The following PAM variants were observed in gnomAD, a reference collection of about 807,000 sequenced individuals.
PAM encodes the protein peptidyl-glycine alpha-amidating monooxygenase.
PAM carries 72 observed loss-of-function variants against 122.1 expected under a neutral mutation model. The ratio of observed to expected loss-of-function variants is 0.59; its 90% confidence interval spans 0.49 to 0.72. The LOEUF (loss-of-function observed/expected upper bound fraction) is 0.72. Ranked by LOEUF, PAM falls within the 30% of genes least tolerant of loss-of-function variation. PAM has a pLI of 0.00. For missense variants in PAM, 1,106 were observed against 1,183.7 expected (o/e 0.93, Z 0.96); for synonymous variants, 389 against 404.4 (o/e 0.96, Z 0.46).
At chr5:103,025,561 A>G (rs1446544624) in intron 24 of PAM, among the ~76,000 whole-genome samples, 1 of 152,220 alleles carries the variant, frequency 6.6e-6, no homozygotes, top group African/African-American at 2.4e-5. Flanking sequence ...TTAGATTAAA[A>G]TATAACCTTT....
intron 1 of PAM, among the ~76,000 whole-genome samples, chr5:102,850,285 GAGT>G (rs1300220590): frequency 6.6e-6 from 1 of 152,146 alleles, no homozygotes; most frequent in Non-Finnish European, 1.5e-5. Context: ...ATAGTGCATT[GAGT>G]AGAAGTAAGC....
At chr5:102,954,727 CAG>C (rs1449834243) in intron 12 of PAM, among the ~76,000 whole-genome samples, 4 of 152,086 alleles carry the variant, frequency 2.6e-5, no homozygotes, top group Admixed American at 6.6e-5. Flanking sequence ...TAAATAAAAA[CAG>C]AATTTAATTA....
intron 22 of PAM, 90 bp downstream of exon 22, chr5:103,017,523 T>C: frequency 1.3e-6 from 1 of 799,160 alleles, no homozygotes; most frequent in Non-Finnish European, 2.2e-6. Context: ...TTTCCTTATC[T>C]TTTTACTGAT....
At chr5:102,801,433 C>T (rs758394977) in intron 1 of PAM, among the ~76,000 whole-genome samples, 1 of 152,182 alleles carries the variant, frequency 6.6e-6, no homozygotes, top group Non-Finnish European at 1.5e-5. Context: ...CTATTGACAT[C>T]ATTTGGGAAC....
At chr5:102,842,243 A>ATATATAT (rs1778849067) in intron 1 of PAM, among the ~76,000 whole-genome samples, 1 of 148,838 alleles carries the variant, frequency 6.7e-6, no homozygotes, top group African/African-American at 2.6e-5. Context: ...CATATGTGTA[A>ATATATAT]ATGCATAGAA....
chr5:102,770,598 T>C (rs974299041), intron 1 of PAM, among the ~76,000 whole-genome samples: 1 of 152,150 alleles, frequency 6.6e-6, no homozygotes, highest in African/African-American at 2.4e-5. Context: ...TATCATATGC[T>C]TTTCCAGCAT....
intron 1 of PAM, among the ~76,000 whole-genome samples, chr5:102,781,116 G>C (rs2432164): frequency 0.42 from 63,939 of 151,740 alleles, 14,119 homozygotes; most frequent in African/African-American, 0.55. Context: ...ATACAGTATT[G>C]ATTAATATGC....
intron 15 of PAM, among the ~76,000 whole-genome samples, chr5:102,984,398 T>C (rs1437224876): frequency 6.6e-6 from 1 of 152,132 alleles, no homozygotes; most frequent in African/African-American, 2.4e-5. Flanking sequence ...TAAAATATAT[T>C]TCATGCAAAT....
intron 15 of PAM, among the ~76,000 whole-genome samples, chr5:102,986,486 A>C (rs562857444): frequency 6.6e-6 from 1 of 152,300 alleles, no homozygotes; most frequent in Non-Finnish European, 1.5e-5. Context: ...TCCTATTTAC[A>C]ATAGCTTAAA....
chr5:103,007,757 A>C, intron 20 of PAM, 100 bp downstream of exon 20: 1 of 731,516 alleles, frequency 1.4e-6, no homozygotes, highest in Non-Finnish European at 2.2e-6. Context: ...TTTCTTTGCT[A>C]TATATTTCAC....
At chr5:103,015,663 C>G (rs185339436) in intron 21 of PAM, among the ~76,000 whole-genome samples, 112 of 152,176 alleles carry the variant, frequency 7.4e-4, no homozygotes, top group African/African-American at 2.6e-3. Context: ...AGACAGAGTC[C>G]CATCTACCAC....
At chr5:102,806,275 C>A (rs1161274424) in intron 1 of PAM, among the ~76,000 whole-genome samples, 1 of 152,150 alleles carries the variant, frequency 6.6e-6, no homozygotes, top group African/African-American at 2.4e-5. Context: ...AGGACCTAGA[C>A]CACTGAAGCT....
chr5:103,029,578 GTC>G lies in PAM; in HGVS notation c.*517_*518del, dbSNP rs1184907828. 2.6e-5 allele frequency: 4 copies of G among 152,542 alleles called. No homozygotes were observed. The highest frequency in any genetic ancestry group is 4.4e-5 in the Non-Finnish European group (3 of 68,054). The allele number at this position is 152,542 out of a possible 1,614,324, so 9.4% of individuals were successfully genotyped here. On this transcript the variant is annotated 3_prime_UTR_variant, in exon 26 of 26. Transcript: ENST00000438793. ...ATATTGCAATGAAGGAAATAAAAAA[GTC>G]TCTATTTAAATTCTTTTTTAAATTT...
At chr5:102,958,979 G>A (rs1040052242) in intron 12 of PAM, among the ~76,000 whole-genome samples, 3 of 152,040 alleles carry the variant, frequency 2.0e-5, no homozygotes, top group African/African-American at 7.2e-5. Flanking sequence ...CTATGTAAAA[G>A]TCTTGTGAAG....
chr5:102,796,325 G>A (rs1428897216), intron 1 of PAM, among the ~76,000 whole-genome samples: 1 of 152,096 alleles, frequency 6.6e-6, no homozygotes, highest in Non-Finnish European at 1.5e-5. Context: ...ATCGATCTGT[G>A]CCTCTGCAAC....
chr5:102,949,924 A>G lies in PAM; in HGVS notation c.747A>G (p.Arg249=). The part of the protein sequence containing the change: ...HHLGKVVSGY[R]VRNGQWTLIG... ...CAGGTAAGGTAGTAAGTGGATACAG[A>G]GTAAGAAATGGACAGTGGACACTGA... The change falls in exon 11 of 26, where the codon AGA becomes AGG. Residue 249 remains arginine, a synonymous_variant. Transcript: ENST00000438793. 6.3e-7 allele frequency: 1 copy of G among 1,579,212 alleles called. No homozygotes were observed. Among genetic ancestry groups the G allele is most frequent in the Non-Finnish European group, 8.7e-7 (1 of 1,149,148 alleles).
intron 9 of PAM, among the ~76,000 whole-genome samples, chr5:102,948,981 C>CAT (rs1757925872): frequency 6.6e-6 from 1 of 152,010 alleles, no homozygotes; most frequent in Non-Finnish European, 1.5e-5. Context: ...ATGAAAGTGC[C>CAT]ATATGAAATA....
At chr5:102,900,486 G>T (rs1797496224) in intron 3 of PAM, among the ~76,000 whole-genome samples, 1 of 151,438 alleles carries the variant, frequency 6.6e-6, no homozygotes. Context: ...CACACAAGTA[G>T]AAACATAGGT....
Position 102,890,388 on chromosome 5 carries a change from C to T in PAM, c.211-10968C>T, listed in dbSNP as rs539838340. ...TAGTTGCCATAAATGATCATCATTG[C>T]CGTGGTTAATTAGAAGTTACGTATG... On this transcript the variant is annotated intron_variant, in intron 3 of 25. Coordinates refer to ENST00000438793, the MANE Select transcript of PAM (RefSeq NM_001177306.2). 2.6e-4 allele frequency among the ~76,000 whole-genome samples: 39 copies of T among 151,872 alleles called. 1 individual carries two copies. In the South Asian group the frequency reaches 8.1e-3, roughly 32 times the overall value.
Sources: allele counts gnomAD v4.1 joint callset (sites outside exome capture counted in the v4.1 genomes callset), GRCh38; gene constraint gnomAD v4.1.1; transcripts MANE v1.5; gene names NCBI Gene and HGNC (gene_info 2026-07-23, HGNC 2026-07-21).